The following KIAA1191 variants were observed in gnomAD, a reference collection of about 807,000 sequenced individuals.
KIAA1191 encodes the protein putative monooxygenase p33MONOX.
KIAA1191 carries 22 observed loss-of-function variants against 31.1 expected under a neutral mutation model. The ratio of observed to expected loss-of-function variants is 0.71; its 90% confidence interval spans 0.51 to 1.01. The LOEUF is 1.01. Among genes scored for constraint, KIAA1191 ranks in the 50% least tolerant of loss-of-function variants. The probability of loss-of-function intolerance (pLI) is 0.00; values close to 1 mark genes in which losing one functional copy is unlikely to be tolerated. For synonymous variants in KIAA1191, 130 were observed against 143.9 expected, an observed-to-expected ratio of 0.90 and a Z score of 0.69; for missense variants, 319 against 388.0, an observed-to-expected ratio of 0.82 and a Z score of 1.49.
chr5:176,358,813 G>A (rs555886572), intron 3 of KIAA1191, among the ~76,000 whole-genome samples: 6 of 152,068 alleles, frequency 3.9e-5, no homozygotes, highest in South Asian at 4.1e-4. Context: ...CGCCGGGCAC[G>A]GTGGCTCACG....
intron 5 of KIAA1191, among the ~76,000 whole-genome samples, chr5:176,352,178 A>AAAAAAAAAC (rs1554119735): frequency 1.3e-5 from 2 of 149,028 alleles, no homozygotes; most frequent in African/African-American, 2.5e-5. Context: ...CAAAAAAAAA[A>AAAAAAAAAC]ACAAAAACTG....
Position 176,347,085 on chromosome 5 carries a change from C to T in KIAA1191, c.*515G>A, listed in dbSNP as rs1178251813. On this transcript the variant is annotated 3_prime_UTR_variant, in exon 9 of 9. Coordinates refer to ENST00000298569, the MANE Select transcript of KIAA1191 (RefSeq NM_020444.5). Reference sequence around the variant, plus strand: ...ACCCGTGCTGAGAATATTAGTCTAACTTTAAAGCAGTACAAAATGGCTTCT... The same window carrying T: ...ACCCGTGCTGAGAATATTAGTCTAATTTTAAAGCAGTACAAAATGGCTTCT... 56 of 152,236 alleles carry T rather than the reference C, an allele frequency of 3.7e-4. No individual in the cohort carries two copies. Among genetic ancestry groups the T allele is most frequent in the Admixed American group, 3.7e-3 (56 of 15,280 alleles). The allele number at this position is 152,236 out of a possible 1,614,324, so 9.4% of individuals were successfully genotyped here.
Position 176,347,625 on chromosome 5 carries a change from T to C in KIAA1191, c.893A>G (p.Asn298Ser), listed in dbSNP as rs1766619029. The C allele has an allele frequency of 1.3e-6, 2 of 1,525,462 alleles. No individual in the cohort carries two copies. Among genetic ancestry groups the C allele is most frequent in the Non-Finnish European group, 1.8e-6 (2 of 1,138,538 alleles). The allele number at this position is 1,525,462 out of a possible 1,614,324, so 94.5% of individuals were successfully genotyped here. A position where few individuals can be genotyped will look rare whatever the true frequency, so the allele number is the denominator to read the frequency against. ...CTAGAAGCCAGTGGGTGTGAGCACATTCAGGTCACGGGGTTTGAGGTTATG... is the reference window on the plus strand; with the variant it reads ...CTAGAAGCCAGTGGGTGTGAGCACACTCAGGTCACGGGGTTTGAGGTTATG... ...RAHNLKPRDLNVLTPTGF is the reference protein window; with the variant it reads ...RAHNLKPRDLSVLTPTGF The change falls in exon 9 of 9, where the codon AAT (asparagine) becomes AGT (serine). Residue 298 changes from asparagine (N) to serine (S), a missense_variant. Coordinates refer to ENST00000298569, the MANE Select transcript of KIAA1191 (RefSeq NM_020444.5).
At chr5:176,359,155 C>CA (rs920975379) in intron 3 of KIAA1191, among the ~76,000 whole-genome samples, 6 of 135,932 alleles carry the variant, frequency 4.4e-5, no homozygotes, top group African/African-American at 1.7e-4. Flanking sequence ...CCCGTCTCTA[C>CA]AAAAAATACA....
intron 3 of KIAA1191, among the ~76,000 whole-genome samples, chr5:176,358,894 C>G (rs1199604876): frequency 2.0e-5 from 3 of 152,124 alleles, no homozygotes; most frequent in Middle Eastern, 6.8e-3. Context: ...ACCATCCTGG[C>G]TAACACGGTG....
chr5:176,351,214 G>A (rs1254685178), intron 5 of KIAA1191, among the ~76,000 whole-genome samples: 4 of 151,772 alleles, frequency 2.6e-5, no homozygotes, highest in African/African-American at 9.7e-5. Flanking sequence ...GGTGGCAGGC[G>A]CCTGTAGTCC....
In KIAA1191 at chr5:176,355,060, T is replaced by A. The variant is rs966238427; in HGVS notation, c.207+511A>T. On this transcript the variant is annotated intron_variant, in intron 4 of 8. Coordinates refer to ENST00000298569, the MANE Select transcript of KIAA1191 (RefSeq NM_020444.5). The surrounding 1 kb of genome is among the most constrained non-coding windows in gnomAD (Gnocchi z 4.2). ...AACTGACAGGCAGAAAATACGCTGC[T>A]AAGTGCAAGAATTTTAGGTAACTTG... Among the ~76,000 whole-genome samples the A allele has an allele frequency of 6.6e-6, 1 of 152,124 alleles. No homozygotes were observed. Among genetic ancestry groups the A allele is most frequent in the Non-Finnish European group, 1.5e-5 (1 of 68,030 alleles).
rs928226464 is a variant in KIAA1191 at position 176,355,859 on chromosome 5, C to G, written c.29-110G>C. The G allele has an allele frequency of 9.2e-7, 1 of 1,091,464 alleles. No individual in the cohort carries two copies. Among genetic ancestry groups the G allele is most frequent in the Admixed American group, 2.0e-5 (1 of 49,158 alleles). 67.6% of individuals were successfully genotyped at this position (1,091,464 alleles called of 1,614,324 possible). The stretch of plus-strand genomic sequence containing the variant: ...GAAATACTCTTGTTCTTGAACAGAG[C>G]AAAATAGCTTGTTTTGGAGTAGCTA... On this transcript the variant is annotated intron_variant, in intron 3 of 8. Transcript: ENST00000298569. The surrounding 1 kb of genome is among the most constrained non-coding windows in gnomAD (Gnocchi z 4.2).
intron 5 of KIAA1191, 63 bp downstream of exon 5, chr5:176,352,559 G>A (rs1581364292): frequency 6.4e-7 from 1 of 1,570,862 alleles, no homozygotes; most frequent in African/African-American, 1.3e-5. Flanking sequence ...CAATCAGCTT[G>A]TAGGAAGCCT....
chr5:176,348,426 T>TA lies in KIAA1191; in HGVS notation c.460-71dup, dbSNP rs994974464. The TA allele has an allele frequency of 5.7e-6, 7 of 1,235,838 alleles. No homozygotes were observed. In the South Asian group the frequency reaches 6.6e-5, roughly 12 times the overall value. The allele number at this position is 1,235,838 out of a possible 1,614,324, so 76.6% of individuals were successfully genotyped here. On this transcript the variant is annotated intron_variant, in intron 6 of 8. Transcript: ENST00000298569. ...AATTCCAAACAGATAAGTCTAGGCA[T>TA]AAAAAATTTGGTTCGCATTCTAACT...
At chr5:176,350,781 A>C (rs1465671430) in intron 5 of KIAA1191, 44 bp from the exon 6 acceptor site, 2 of 1,608,298 alleles carry the variant, frequency 1.2e-6, no homozygotes, top group Non-Finnish European at 1.7e-6. Context: ...CCCCTCTCCC[A>C]TCACAAAATA....
intron 4 of KIAA1191, chr5:176,353,642 G>A (rs889848252): frequency 6.6e-6 from 1 of 152,200 alleles, no homozygotes; most frequent in African/African-American, 2.4e-5. Context: ...TCCTAACATG[G>A]GGAGAGTTAG....
At chr5:176,358,809 G>A (rs1767716865) in intron 3 of KIAA1191, among the ~76,000 whole-genome samples, 1 of 152,084 alleles carries the variant, frequency 6.6e-6, no homozygotes, top group South Asian at 2.1e-4. Context: ...GTTCCGCCGG[G>A]CACGGTGGCT....
chr5:176,356,831 A>G (rs1448863142), intron 3 of KIAA1191, among the ~76,000 whole-genome samples: 1 of 152,218 alleles, frequency 6.6e-6, no homozygotes, highest in Non-Finnish European at 1.5e-5. Context: ...CAAAACCACA[A>G]AAGGTTTCAT....
At position 176,355,973 on chromosome 5, in the gene KIAA1191, C is replaced by T. The variant is rs1684152653; in HGVS notation, c.29-224G>A. On this transcript the variant is annotated intron_variant, in intron 3 of 8. Coordinates refer to ENST00000298569, the MANE Select transcript of KIAA1191 (RefSeq NM_020444.5). This position sits in a 1 kb window ranked among gnomAD's most constrained non-coding sequence, Gnocchi z 4.2. The stretch of plus-strand genomic sequence containing the variant: ...ACTTAACCCACTCAGCCGTCCTAAT[C>T]CTTTTTTTTTATTATTTGTTTAGAG... The T allele has an allele frequency of 1.9e-6, 1 of 536,992 alleles. No individual in the cohort carries two copies. Among genetic ancestry groups the T allele is most frequent in the Admixed American group, 3.3e-5 (1 of 30,382 alleles). 33.3% of individuals were successfully genotyped at this position (536,992 alleles called of 1,614,324 possible). A position where few individuals can be genotyped will look rare whatever the true frequency, so the allele number is the denominator to read the frequency against.
At chr5:176,349,763 G>A (rs940773081) in intron 6 of KIAA1191, among the ~76,000 whole-genome samples, 20 of 152,088 alleles carry the variant, frequency 1.3e-4, no homozygotes, top group South Asian at 4.1e-4. Context: ...TCTTTCCTGC[G>A]TCGTGTGCTC....
In KIAA1191 at chr5:176,355,483, A is replaced by C. The variant is rs554426952; in HGVS notation, c.207+88T>G. Reference sequence around the variant, plus strand: ...CAGGGAGTGGTTGCTGCCCAGTCCCATGGGCACAGGGAGCCACTGAAGGCT... The same window carrying C: ...CAGGGAGTGGTTGCTGCCCAGTCCCCTGGGCACAGGGAGCCACTGAAGGCT... On this transcript the variant is annotated intron_variant, in intron 4 of 8. Coordinates refer to ENST00000298569, the MANE Select transcript of KIAA1191 (RefSeq NM_020444.5). This position sits in a 1 kb window ranked among gnomAD's most constrained non-coding sequence, Gnocchi z 4.2. 7.9e-7 allele frequency: 1 copy of C among 1,263,656 alleles called. No homozygotes were observed. The highest frequency in any genetic ancestry group is 1.5e-5 in the African/African-American group (1 of 67,086). 78.3% of individuals were successfully genotyped at this position (1,263,656 alleles called of 1,614,324 possible). A position where few individuals can be genotyped will look rare whatever the true frequency, so the allele number is the denominator to read the frequency against.
At position 176,355,564 on chromosome 5, in the gene KIAA1191, C is replaced by T; in HGVS notation, c.207+7G>A. On this transcript the variant is annotated splice_region_variant and intron_variant, in intron 4 of 8. Transcript: ENST00000298569. This position sits in a 1 kb window ranked among gnomAD's most constrained non-coding sequence, Gnocchi z 4.2. ...GTATGCCAGAAATGGCCAGCAGGGT[C>T]AGATACCTTGGCGAGGTGCTGATAC... The T allele has an allele frequency of 6.2e-7, 1 of 1,605,206 alleles. No homozygotes were observed. Among genetic ancestry groups the T allele is most frequent in the South Asian group, 1.1e-5 (1 of 90,890 alleles).
Position 176,350,561 on chromosome 5 carries a change from T to C in KIAA1191, c.459+52A>G, listed in dbSNP as rs138375618. ...GTAACTTCAAAACCACAGCCACATT[T>C]CAAGCCATGAACACTGAAGGTTTTG... On this transcript the variant is annotated intron_variant, in intron 6 of 8. Coordinates refer to ENST00000298569, the MANE Select transcript of KIAA1191 (RefSeq NM_020444.5). 3.6e-4 allele frequency: 578 copies of C among 1,595,056 alleles called. 2 individuals are homozygous for C. The African/African-American group carries it at 5.2e-3, about 14-fold the overall frequency.
Sources: allele counts gnomAD v4.1 joint callset (sites outside exome capture counted in the v4.1 genomes callset), GRCh38; gene constraint gnomAD v4.1.1; non-coding constraint Gnocchi (gnomAD v3.1); transcripts MANE v1.5; gene names NCBI Gene and HGNC (gene_info 2026-07-23, HGNC 2026-07-21).